The following GRIN3B variants were observed in gnomAD, a reference collection of about 807,000 sequenced individuals.
GRIN3B encodes glutamate receptor ionotropic, NMDA 3B.
In GRIN3B, 77 loss-of-function variants were observed where a neutral mutation model predicts 66.0. The observed-to-expected ratio is 1.17, with a 90% confidence interval of 0.97 to 1.41. GRIN3B has a LOEUF of 1.41. Among genes scored for constraint, GRIN3B ranks in the 40% most tolerant of loss-of-function variants. The pLI is 0.00. For synonymous variants in GRIN3B, 823 were observed against 749.7 expected, an observed-to-expected ratio of 1.10 and a Z score of -1.60; for missense variants, 1,787 against 1,564.5, an observed-to-expected ratio of 1.14 and a Z score of -2.40.
Position 1,008,572 on chromosome 19 carries a change from C to T in GRIN3B, c.2467-46C>T, listed in dbSNP as rs757846673. The T allele has an allele frequency of 1.1e-5, 17 of 1,571,212 alleles. No homozygotes were observed. The African/African-American group carries it at 1.2e-4, about 11-fold the overall frequency. On this transcript the variant is annotated intron_variant, in intron 6 of 8. Transcript: ENST00000234389. The stretch of plus-strand genomic sequence containing the variant: ...CCCCTAGTTCAAGGCTCCCCAGGGG[C>T]CTGCCATTACGTGACCGTGCGGGGC...
rs2038831359 is a variant in GRIN3B at position 1,009,716 on chromosome 19, T to C, written c.*114T>C. On this transcript the variant is annotated 3_prime_UTR_variant, in exon 9 of 9. Transcript: ENST00000234389. ...TTTTGTACACTGCAATTAAATAGAA[T>C]GGAATGAGCGCTCCTCCGCATTCCT... 4 of 921,424 alleles carry C rather than the reference T, an allele frequency of 4.3e-6. No homozygotes were observed. In the South Asian group the frequency reaches 7.5e-5, roughly 17 times the overall value. 57.1% of individuals were successfully genotyped at this position (921,424 alleles called of 1,614,324 possible).
In GRIN3B at chr19:1,005,654, C is replaced by A; in HGVS notation, c.2052+101C>A. On this transcript the variant is annotated intron_variant, in intron 3 of 8. Coordinates refer to ENST00000234389, the MANE Select transcript of GRIN3B (RefSeq NM_138690.3). This position sits in a 1 kb window ranked among gnomAD's most constrained non-coding sequence, Gnocchi z 5.2. ...GTGGTCAGCTGGACGTGGAGGACGT[C>A]CACTAGGCCAACTCTGGTCCCAAGA... 1.2e-6 allele frequency: 1 copy of A among 847,004 alleles called. No individual in the cohort carries two copies. The highest frequency in any genetic ancestry group is 1.8e-6 in the Non-Finnish European group (1 of 555,978). 52.5% of individuals were successfully genotyped at this position (847,004 alleles called of 1,614,324 possible). A position where few individuals can be genotyped will look rare whatever the true frequency, so the allele number is the denominator to read the frequency against.
rs924459856 is a variant in GRIN3B at position 1,003,501 on chromosome 19, C to T, written c.798C>T (p.Pro266=). ...PHWLLGTPLP[P]KALPTAGLPP... ...GGCTGTTGGGGACACCACTGCCGCC[C>T]AAGGCCCTGCCCACCGCGGGGCTGC... Residue 266 remains proline (P), a synonymous_variant, in exon 2 of 9, where the codon CCC becomes CCT. Coordinates refer to ENST00000234389, the MANE Select transcript of GRIN3B (RefSeq NM_138690.3). The T allele has an allele frequency of 6.5e-7, 1 of 1,535,452 alleles. No individual in the cohort carries two copies. Among genetic ancestry groups the T allele is most frequent in the Admixed American group, 2.0e-5 (1 of 50,900 alleles).
chr19:1,004,677 C>A lies in GRIN3B; in HGVS notation c.1176C>A (p.Gly392=), dbSNP rs570898397. ...AWATVGSWRD[G]QLDLEPGGAS... is the part of the protein sequence containing the mutation. ...CCACGGTGGGCAGCTGGCGGGACGGCCAGCTGGACTTGGAACCGGGAGGTG... is the reference window on the plus strand; with the variant it reads ...CCACGGTGGGCAGCTGGCGGGACGGACAGCTGGACTTGGAACCGGGAGGTG... The change falls in exon 3 of 9, where the codon GGC becomes GGA. Residue 392 remains glycine (G), a synonymous_variant. Transcript: ENST00000234389. The A allele has an allele frequency of 3.8e-5, 61 of 1,598,160 alleles. No homozygotes were observed. The African/African-American group carries it at 7.8e-4, about 20-fold the overall frequency.
In GRIN3B at chr19:1,009,557, C is replaced by A; in HGVS notation, c.3087C>A (p.Pro1029=). Residue 1029 remains proline (P), a synonymous_variant, in exon 9 of 9, where the codon CCC becomes CCA. Transcript: ENST00000234389. ...GCTTGCTTCAGGCCAGAGCGGCCCC[C>A]GCGGAGGCCCCACCACACTCTGGCC... ...PRRLLQARAA[P]AEAPPHSGRP... 1.1e-6 allele frequency: 1 copy of A among 896,098 alleles called. No individual in the cohort carries two copies. Among genetic ancestry groups the A allele is most frequent in the Non-Finnish European group, 1.5e-6 (1 of 662,280 alleles). 55.5% of individuals were successfully genotyped at this position (896,098 alleles called of 1,614,324 possible). A position where few individuals can be genotyped will look rare whatever the true frequency, so the allele number is the denominator to read the frequency against.
At chr19:1,008,382 C>A in intron 6 of GRIN3B, 91 bp downstream of exon 6, 1 of 1,236,988 alleles carries the variant, frequency 8.1e-7, no homozygotes, top group Non-Finnish European at 1.1e-6. Flanking sequence ...AGTGCTCATT[C>A]CCCAGACGTG....
Position 1,009,402 on chromosome 19 carries a change from C to A in GRIN3B, c.2932C>A (p.Pro978Thr), listed in dbSNP as rs1360982793. 2.8e-6 allele frequency: 4 copies of A among 1,424,834 alleles called. No individual in the cohort carries two copies. Among genetic ancestry groups the A allele is most frequent in the Non-Finnish European group, 3.7e-6 (4 of 1,095,684 alleles). 88.3% of individuals were successfully genotyped at this position (1,424,834 alleles called of 1,614,324 possible). ...GCCCGCCGCAAGGCCCACGGGGGCC[C>A]CCCAGCCCGGGGAGCTGCAGGAGCT... Reference protein sequence around the residue: ...RPPAARPTGAPQPGELQELER... With the variant: ...RPPAARPTGATQPGELQELER... The change falls in exon 9 of 9, where the codon CCC becomes ACC. Residue 978 changes from proline (P) to threonine (T), a missense_variant. Coordinates refer to ENST00000234389, the MANE Select transcript of GRIN3B (RefSeq NM_138690.3).
In GRIN3B at chr19:1,003,733, A is replaced by G; in HGVS notation, c.1019+11A>G. 7.2e-7 allele frequency: 1 copy of G among 1,396,578 alleles called. No homozygotes were observed. 86.5% of individuals were successfully genotyped at this position (1,396,578 alleles called of 1,614,324 possible). ...GCGCTTCTTGGCACGGTGAGTGGGGACCCTGCTTCCCTTAGGAGGGTGTCC... is the reference window on the plus strand; with the variant it reads ...GCGCTTCTTGGCACGGTGAGTGGGGGCCCTGCTTCCCTTAGGAGGGTGTCC... On this transcript the variant is annotated intron_variant, in intron 2 of 8. Transcript: ENST00000234389.
intron 1 of GRIN3B, chr19:1,002,646 C>T: frequency 6.5e-6 from 1 of 154,664 alleles, no homozygotes. Context: ...AGCCACAGCT[C>T]TTGGCCCTAG....
chr19:1,005,588 GGGGCTAGCGGTGGCCCC>G lies in GRIN3B; in HGVS notation c.2052+41_2052+57del, dbSNP rs2038740540. ...CTCGGGGGGCTGCGGGTGGCCTTGGGGGGCTAGCGGTGGCCCCGGGCTGGGCTGTGTGGGGCAGGGGT... is the reference window on the plus strand; with the variant it reads ...CTCGGGGGGCTGCGGGTGGCCTTGGGGGGCTGGGCTGTGTGGGGCAGGGGT... On this transcript the variant is annotated intron_variant, in intron 3 of 8. Transcript: ENST00000234389. The surrounding 1 kb of genome is among the most constrained non-coding windows in gnomAD (Gnocchi z 5.2). The G allele has an allele frequency of 1.3e-6, 2 of 1,496,090 alleles. No individual in the cohort carries two copies. The highest frequency in any genetic ancestry group is 4.3e-5 in the Admixed American group (2 of 46,280). 92.7% of individuals were successfully genotyped at this position (1,496,090 alleles called of 1,614,324 possible). A position where few individuals can be genotyped will look rare whatever the true frequency, so the allele number is the denominator to read the frequency against.
chr19:1,005,197 A>T lies in GRIN3B; in HGVS notation c.1696A>T (p.Ile566Phe). Residue 566 changes from isoleucine to phenylalanine, a missense_variant, in exon 3 of 9, where the codon ATC becomes TTC. Ile to Phe is a conservative substitution (Grantham distance 21). Transcript: ENST00000234389. This position sits in a 1 kb window ranked among gnomAD's most constrained non-coding sequence, Gnocchi z 5.2. ...GCGGGCACGGGACACGGCCTCACCCATCGGTGCCTTTATGTGGCCCCTGCA... is the reference window on the plus strand; with the variant it reads ...GCGGGCACGGGACACGGCCTCACCCTTCGGTGCCTTTATGTGGCCCCTGCA... ...MVRARDTASP[I>F]GAFMWPLHWS... is the part of the protein sequence containing the mutation. 1 of 1,613,490 alleles carries T rather than the reference A, an allele frequency of 6.2e-7. No individual in the cohort carries two copies. Among genetic ancestry groups the T allele is most frequent in the Non-Finnish European group, 8.5e-7 (1 of 1,179,936 alleles).
Position 1,005,250 on chromosome 19 carries a change from G to A in GRIN3B, c.1749G>A (p.Ala583=), listed in dbSNP as rs774893934. 3.1e-6 allele frequency: 5 copies of A among 1,613,308 alleles called. No individual in the cohort carries two copies. Among genetic ancestry groups the A allele is most frequent in the African/African-American group, 2.7e-5 (2 of 74,908 alleles). The part of the protein sequence containing the change: ...LHWSTWLGVF[A]ALHLTALFLT... ...GGTCCACGTGGCTGGGCGTCTTTGC[G>A]GCCCTGCACCTCACCGCGCTCTTCC... is the stretch of plus-strand genomic sequence containing the variant. The change falls in exon 3 of 9, where the codon GCG becomes GCA. Residue 583 remains alanine (A), a synonymous_variant. Transcript: ENST00000234389. The surrounding 1 kb of genome is among the most constrained non-coding windows in gnomAD (Gnocchi z 5.2).
chr19:1,008,919 G>A lies in GRIN3B; in HGVS notation c.2694G>A (p.Ala898=), dbSNP rs773604647. 1.2e-6 allele frequency: 2 copies of A among 1,608,060 alleles called. No individual in the cohort carries two copies. Among genetic ancestry groups the A allele is most frequent in the African/African-American group, 1.3e-5 (1 of 74,882 alleles). Residue 898 remains alanine, a synonymous_variant, in exon 8 of 9, where the codon GCG becomes GCA. Transcript: ENST00000234389. Reference sequence around the variant, plus strand: ...GGTCGAAGGAGGAGACGGCAGAGGCGGAGCCCAGGTAAGTGGTGGTCGGGG... The same window carrying A: ...GGTCGAAGGAGGAGACGGCAGAGGCAGAGCCCAGGTAAGTGGTGGTCGGGG... ...PEGSKEETAE[A]EPSGPEVEQQ...
chr19:1,006,683 C>T (rs983088821), intron 3 of GRIN3B, among the ~76,000 whole-genome samples: 1 of 152,174 alleles, frequency 6.6e-6, no homozygotes, highest in Non-Finnish European at 1.5e-5. Context: ...CAGTGGTGTC[C>T]CCTGGGGGTG....
chr19:1,006,213 A>G lies in GRIN3B; in HGVS notation c.2052+660A>G, dbSNP rs572047170. ...GCCCAGGCTGGAGCGCAGTGGCACG[A>G]TCTTGGCTCACTGCAACCTCTGCCT... On this transcript the variant is annotated intron_variant, in intron 3 of 8. Coordinates refer to ENST00000234389, the MANE Select transcript of GRIN3B (RefSeq NM_138690.3). 2.6e-5 allele frequency among the ~76,000 whole-genome samples: 4 copies of G among 151,378 alleles called. No homozygotes were observed. In the South Asian group the frequency reaches 8.4e-4, roughly 32 times the overall value.
Position 1,000,760 on chromosome 19 carries a change from A to C in GRIN3B, c.323A>C (p.Glu108Ala). Reference protein sequence around the residue: ...PGVAALLAFPEARPELLQLHF... With the variant: ...PGVAALLAFPAARPELLQLHF... Reference sequence around the variant, plus strand: ...GTGGCGGCCCTGCTCGCCTTTCCCGAGGCTCGGCCCGAGCTGCTGCAGCTG... The same window carrying C: ...GTGGCGGCCCTGCTCGCCTTTCCCGCGGCTCGGCCCGAGCTGCTGCAGCTG... The change falls in exon 1 of 9, where the codon GAG becomes GCG. Residue 108 changes from glutamate to alanine, a missense_variant. Glu to Ala is a moderately radical substitution (Grantham distance 107). Transcript: ENST00000234389. The C allele has an allele frequency of 6.9e-7, 1 of 1,442,396 alleles. No individual in the cohort carries two copies. Among genetic ancestry groups the C allele is most frequent in the Non-Finnish European group, 9.1e-7 (1 of 1,102,288 alleles). 89.3% of individuals were successfully genotyped at this position (1,442,396 alleles called of 1,614,324 possible).
At position 1,004,854 on chromosome 19, in the gene GRIN3B, C is replaced by T. The variant is rs764279599; in HGVS notation, c.1353C>T (p.Asn451=). Residue 451 remains asparagine (N), a synonymous_variant, in exon 3 of 9, where the codon AAC becomes AAT. Coordinates refer to ENST00000234389, the MANE Select transcript of GRIN3B (RefSeq NM_138690.3). ...AGQLCLDPGT[N]DSATLDALFA... ...AGCTGTGCCTGGACCCTGGCACCAA[C>T]GACTCGGCCACCCTGGACGCACTGT... 28 of 1,611,554 alleles carry T rather than the reference C, an allele frequency of 1.7e-5. No homozygotes were observed. Among genetic ancestry groups the T allele is most frequent in the African/African-American group, 2.7e-5 (2 of 74,880 alleles).
At chr19:1,003,813 G>A (rs1599456465) in intron 2 of GRIN3B, 91 bp downstream of exon 2, 11 of 1,007,020 alleles carry the variant, frequency 1.1e-5, no homozygotes, top group African/African-American at 3.4e-5. Flanking sequence ...GAGGCCAGAC[G>A]CGGTGGCTCA....
At chr19:1,008,402 GCTT>G in intron 6 of GRIN3B, 111 bp downstream of exon 6, 1 of 1,130,796 alleles carries the variant, frequency 8.8e-7, no homozygotes, top group Non-Finnish European at 1.3e-6. Flanking sequence ...GCGTTTGTCT[GCTT>G]CTGCGCACTT....
Sources: allele counts gnomAD v4.1 joint callset (sites outside exome capture counted in the v4.1 genomes callset), GRCh38; gene constraint gnomAD v4.1.1; non-coding constraint Gnocchi (gnomAD v3.1); transcripts MANE v1.5; gene names NCBI Gene and HGNC (gene_info 2026-07-23, HGNC 2026-07-21).